HTR5A: variants seen among roughly 807,000 people sequenced by gnomAD.
HTR5A encodes 5-hydroxytryptamine receptor 5A, also known as 5-HT-5.
A neutral mutation model predicts 24.3 loss-of-function variants in HTR5A; 21 were observed. The ratio of observed to expected loss-of-function variants is 0.86; its 90% CI spans 0.61 to 1.24. HTR5A has a LOEUF of 1.24. Ranked by LOEUF, HTR5A falls within the 50% of genes most tolerant of loss-of-function variation. The pLI is 0.00. For synonymous variants in HTR5A, 260 were observed against 213.7 expected (o/e 1.22, Z -1.89); for missense variants, 497 against 489.5 (o/e 1.02, Z -0.15).
In HTR5A at chr7:155,086,100, A is replaced by G. The variant is rs1795473666; in HGVS notation, c.*1613A>G. ...TATTTAAAATACAGACTCTTCACTT[A>G]CTCAAGTTACTTTTCCCCATTATTA... On this transcript the variant is annotated 3_prime_UTR_variant, in exon 2 of 2. Transcript: ENST00000287907. Among the ~76,000 whole-genome samples, 1 of 152,222 alleles carries G rather than the reference A, an allele frequency of 6.6e-6. No individual in the cohort carries two copies. The highest frequency in any genetic ancestry group is 6.5e-5 in the Admixed American group (1 of 15,284).
In HTR5A at chr7:155,086,068, C is replaced by T. The variant is rs1204239522; in HGVS notation, c.*1581C>T. 2.6e-5 allele frequency among the ~76,000 whole-genome samples: 4 copies of T among 152,098 alleles called. No homozygotes were observed. Among genetic ancestry groups the T allele is most frequent in the African/African-American group, 4.8e-5 (2 of 41,404 alleles). ...GTATATATCACTTGAAGTGCTAAACCCACAAGTATTTAAAATACAGACTCT... is the reference window on the plus strand; with the variant it reads ...GTATATATCACTTGAAGTGCTAAACTCACAAGTATTTAAAATACAGACTCT... On this transcript the variant is annotated 3_prime_UTR_variant, in exon 2 of 2. Transcript: ENST00000287907.
chr7:155,073,877 G>GTATATATATATGTATATATATATATATA (rs1365511214), intron 1 of HTR5A, among the ~76,000 whole-genome samples: 3 of 8,008 alleles, frequency 3.7e-4, no homozygotes, highest in African/African-American at 4.7e-4. Flanking sequence ...ATATATATAT[G>GTATATATATATGTATATATATATATATA]TATATATATA....
intron 1 of HTR5A, among the ~76,000 whole-genome samples, chr7:155,073,918 T>TGTGTATATATATATATGG: frequency 7.4e-6 from 1 of 135,102 alleles, no homozygotes; most frequent in South Asian, 2.2e-4. Flanking sequence ...TATATATATG[T>TGTGTATATATATATATGG]ATATATATAT....
At chr7:155,075,976 C>T (rs1795355428) in intron 1 of HTR5A, among the ~76,000 whole-genome samples, 1 of 152,140 alleles carries the variant, frequency 6.6e-6, no homozygotes, top group South Asian at 2.1e-4. Flanking sequence ...CATTGGCGAG[C>T]CAGATTTTGG....
intron 1 of HTR5A, among the ~76,000 whole-genome samples, chr7:155,079,588 T>C (rs1246810979): frequency 6.6e-6 from 1 of 152,248 alleles, no homozygotes; most frequent in Non-Finnish European, 1.5e-5. Context: ...AACTCACTAA[T>C]TTTTCATTCA....
chr7:155,071,696 C>T, intron 1 of HTR5A, 56 bp downstream of exon 1: 1 of 1,542,094 alleles, frequency 6.5e-7, no homozygotes, highest in South Asian at 1.2e-5. Flanking sequence ...CAGGCTATAT[C>T]CCCAGGCCAC....
intron 1 of HTR5A, among the ~76,000 whole-genome samples, chr7:155,073,562 A>G (rs1330763793): frequency 6.6e-6 from 1 of 151,982 alleles, no homozygotes; most frequent in Non-Finnish European, 1.5e-5. Context: ...GTGAGGTTCC[A>G]TGTGTATGAG....
intron 1 of HTR5A, among the ~76,000 whole-genome samples, chr7:155,075,312 T>C (rs1795348501): frequency 6.6e-6 from 1 of 152,214 alleles, no homozygotes; most frequent in Non-Finnish European, 1.5e-5. Context: ...TGTGGAGATG[T>C]GATGTTCACA....
At chr7:155,074,918 A>G (rs1304461912) in intron 1 of HTR5A, among the ~76,000 whole-genome samples, 1 of 152,194 alleles carries the variant, frequency 6.6e-6, no homozygotes, top group Non-Finnish European at 1.5e-5. Context: ...TTTGCCAAAC[A>G]GTACACCTTC....
At chr7:155,081,563 G>A (rs932423266) in intron 1 of HTR5A, among the ~76,000 whole-genome samples, 2 of 152,126 alleles carry the variant, frequency 1.3e-5, no homozygotes, top group Non-Finnish European at 2.9e-5. Flanking sequence ...AATTAATTTG[G>A]CTTAACTATT....
In HTR5A at chr7:155,086,199, A is replaced by G. The variant is rs1361902091; in HGVS notation, c.*1712A>G. Among the ~76,000 whole-genome samples, 1 of 152,246 alleles carries G rather than the reference A, an allele frequency of 6.6e-6. No individual in the cohort carries two copies. The highest frequency in any genetic ancestry group is 1.9e-4 in the East Asian group (1 of 5,204). ...ATAAGGGAAGTGTTTGAATAAGGGA[A>G]GGGAAGTGTTTGAAAAACCTTATTA... is the stretch of plus-strand genomic sequence containing the variant. On this transcript the variant is annotated 3_prime_UTR_variant, in exon 2 of 2. Coordinates refer to ENST00000287907, the MANE Select transcript of HTR5A (RefSeq NM_024012.4).
intron 1 of HTR5A, among the ~76,000 whole-genome samples, chr7:155,073,048 C>T (rs1045822155): frequency 4.6e-5 from 7 of 152,192 alleles, no homozygotes; most frequent in Middle Eastern, 3.4e-3. Flanking sequence ...GGGCCAGGTG[C>T]GGTGGCTCAC....
At chr7:155,074,008 A>G (rs1293087357) in intron 1 of HTR5A, among the ~76,000 whole-genome samples, 2 of 151,462 alleles carry the variant, frequency 1.3e-5, no homozygotes, top group Non-Finnish European at 2.9e-5. Context: ...AAAATAATCC[A>G]GTACTCTAAA....
intron 1 of HTR5A, among the ~76,000 whole-genome samples, chr7:155,083,577 A>G (rs978475117): frequency 2.6e-5 from 4 of 152,242 alleles, no homozygotes; most frequent in African/African-American, 7.2e-5. Context: ...CTAGGGTCTC[A>G]GTTTTACATA....
Position 155,071,635 on chromosome 7 carries a change from G to C in HTR5A, c.736G>C (p.Val246Leu), listed in dbSNP as rs1267239624. The C allele has an allele frequency of 5.6e-6, 9 of 1,613,328 alleles. No individual in the cohort carries two copies. Among genetic ancestry groups the C allele is most frequent in the East Asian group, 2.2e-5 (1 of 44,884 alleles). Residue 246 changes from valine (V) to leucine (L), a missense_variant, in exon 1 of 2, where the codon GTG becomes CTG. By Grantham distance (32) the Val-to-Leu change is conservative. Coordinates refer to ENST00000287907, the MANE Select transcript of HTR5A (RefSeq NM_024012.4). ...TNSVSPISEA[V>L]EVKDSAKQPQ... ...TAGCGTCTCACCCATATCCGAAGCT[G>C]TGGAGGTGGGTATCTCAGCAATCCT...
At chr7:155,072,622 G>C (rs370119720) in intron 1 of HTR5A, among the ~76,000 whole-genome samples, 14 of 152,298 alleles carry the variant, frequency 9.2e-5, no homozygotes, top group African/African-American at 2.9e-4. Flanking sequence ...GGTTAGACCA[G>C]AAGTCTACAC....
Position 155,070,814 on chromosome 7 carries a change from C to T in HTR5A, c.-86C>T. On this transcript the variant is annotated 5_prime_UTR_variant, in exon 1 of 2. Coordinates refer to ENST00000287907, the MANE Select transcript of HTR5A (RefSeq NM_024012.4). ...CCACTGGCCAGAGGTTGCAAACATC[C>T]GGATTGGCTCTGGGCACAGTGGCCG... The T allele has an allele frequency of 7.2e-7, 1 of 1,391,280 alleles. No homozygotes were observed. Among genetic ancestry groups the T allele is most frequent in the South Asian group, 1.4e-5 (1 of 73,774 alleles). The allele number at this position is 1,391,280 out of a possible 1,614,324, so 86.2% of individuals were successfully genotyped here. A position where few individuals can be genotyped will look rare whatever the true frequency, so the allele number is the denominator to read the frequency against.
chr7:155,084,043 C>T lies in HTR5A; in HGVS notation c.742-112C>T, dbSNP rs562521353. On this transcript the variant is annotated intron_variant, in intron 1 of 1. Coordinates refer to ENST00000287907, the MANE Select transcript of HTR5A (RefSeq NM_024012.4). ...CCTTCAGGTTCCCACACCTATCCAT[C>T]GAAGACTTTCCCTTGAGTGGATGTG... 38 of 843,860 alleles carry T rather than the reference C, an allele frequency of 4.5e-5. 1 individual carries two copies. Among genetic ancestry groups the T allele is most frequent in the South Asian group, 7.2e-5 (4 of 55,640 alleles). 52.3% of individuals were successfully genotyped at this position (843,860 alleles called of 1,614,324 possible).
chr7:155,077,619 A>G (rs1795372976), intron 1 of HTR5A, among the ~76,000 whole-genome samples: 1 of 151,880 alleles, frequency 6.6e-6, no homozygotes, highest in Non-Finnish European at 1.5e-5. Flanking sequence ...GTGTGCCACC[A>G]TGCCTGGCTA....
Sources: allele counts gnomAD v4.1 joint callset (sites outside exome capture counted in the v4.1 genomes callset), GRCh38; gene constraint gnomAD v4.1.1; transcripts MANE v1.5; gene names NCBI Gene and HGNC (gene_info 2026-07-23, HGNC 2026-07-21).